The following ACAP2 variants were observed in gnomAD, a reference collection of about 807,000 sequenced individuals.
The protein encoded by ACAP2 is ArfGAP with coiled-coil, ankyrin repeat and PH domains 2.
In ACAP2, 39 loss-of-function variants were observed where a neutral mutation model predicts 115.8. The ratio of observed to expected loss-of-function variants is 0.34; its 90% CI spans 0.26 to 0.44. ACAP2 has a LOEUF of 0.44. ACAP2 is among the 20% of genes least tolerant of loss of function. ACAP2 has a pLI of 1.00. For missense variants in ACAP2, 662 were observed against 927.6 expected (o/e 0.71, Z 3.72); for synonymous variants, 289 against 315.8 (o/e 0.92, Z 0.90).
In ACAP2 at chr3:195,292,451, T is replaced by C. The variant is rs1202272734; in HGVS notation, c.1767A>G (p.Glu589=). 1 of 1,599,184 alleles carries C rather than the reference T, an allele frequency of 6.3e-7. No individual in the cohort carries two copies. Among genetic ancestry groups the C allele is most frequent in the Non-Finnish European group, 8.5e-7 (1 of 1,175,830 alleles). The change falls in exon 19 of 23, where the codon GAA becomes GAG. Residue 589 remains glutamate, a splice_region_variant and synonymous_variant. Transcript: ENST00000326793. ...ACATAGAAGAATCTTGCCTTTCTCC[T>C]TCTGAAAAGCAAACACATACACATC... ...TVSANSLYEP[E]GERQDSSMFL...
chr3:195,283,326 A>C (rs1577229351), intron 22 of ACAP2, among the ~76,000 whole-genome samples: 1 of 152,330 alleles, frequency 6.6e-6, no homozygotes, highest in Middle Eastern at 3.4e-3. Context: ...CACGCAAGAA[A>C]CAGGGAGTCC....
At chr3:195,344,360 T>C (rs1238797411) in intron 5 of ACAP2, among the ~76,000 whole-genome samples, 1 of 152,202 alleles carries the variant, frequency 6.6e-6, no homozygotes, top group African/African-American at 2.4e-5. Context: ...AACTTTAATT[T>C]TATATATTCC....
At chr3:195,308,904 A>C in intron 10 of ACAP2, 67 bp from the exon 11 acceptor site, 1 of 1,419,762 alleles carries the variant, frequency 7.0e-7, no homozygotes. Flanking sequence ...TTAGAAATGA[A>C]ATATTTGAGA....
chr3:195,360,749 G>A (rs552592339), intron 4 of ACAP2, among the ~76,000 whole-genome samples: 143 of 151,790 alleles, frequency 9.4e-4, no homozygotes, highest in Non-Finnish European at 1.6e-3. Context: ...AGTTGGGATC[G>A]TGCCACTGCA....
chr3:195,353,013 G>A (rs1222938753), intron 4 of ACAP2, among the ~76,000 whole-genome samples: 1 of 150,712 alleles, frequency 6.6e-6, no homozygotes, highest in Non-Finnish European at 1.5e-5. Context: ...CCTGGGAGGC[G>A]GAAGTTGCAA....
intron 10 of ACAP2, among the ~76,000 whole-genome samples, chr3:195,314,513 C>T (rs1030106494): frequency 1.1e-4 from 17 of 152,144 alleles, no homozygotes; most frequent in African/African-American, 3.4e-4. Flanking sequence ...AAGTGATCTG[C>T]CCACCTCGGC....
At chr3:195,403,653 T>C (rs1042168214) in intron 1 of ACAP2, among the ~76,000 whole-genome samples, 1 of 152,228 alleles carries the variant, frequency 6.6e-6, no homozygotes, top group Non-Finnish European at 1.5e-5. Flanking sequence ...GGTAAATGTG[T>C]AATCAAGTAT....
At chr3:195,331,901 G>A (rs961446162) in intron 8 of ACAP2, among the ~76,000 whole-genome samples, 1 of 152,042 alleles carries the variant, frequency 6.6e-6, no homozygotes, top group Non-Finnish European at 1.5e-5. Context: ...TTGGGAGGCT[G>A]AGGCGGGCAG....
chr3:195,365,585 TTAAG>T (rs1234554580), intron 4 of ACAP2, among the ~76,000 whole-genome samples: 1 of 151,716 alleles, frequency 6.6e-6, no homozygotes, highest in Non-Finnish European at 1.5e-5. Context: ...AAAAAACACA[TTAAG>T]TATTACTCAG....
intron 1 of ACAP2, among the ~76,000 whole-genome samples, chr3:195,428,455 TATC>T (rs1714857090): frequency 6.6e-6 from 1 of 151,900 alleles, no homozygotes; most frequent in Non-Finnish European, 1.5e-5. Context: ...GGGATTATAA[TATC>T]ATATTTTTAC....
At chr3:195,426,295 T>C (rs1359010588) in intron 1 of ACAP2, among the ~76,000 whole-genome samples, 1 of 152,078 alleles carries the variant, frequency 6.6e-6, no homozygotes, top group East Asian at 1.9e-4. Flanking sequence ...TGGTCAAACC[T>C]TGCATTCCCA....
chr3:195,279,881 C>T (rs953463249), intron 22 of ACAP2: 4 of 152,328 alleles, frequency 2.6e-5, no homozygotes, highest in Admixed American at 2.0e-4. Flanking sequence ...ATAATCAAGA[C>T]AAACTGATAA....
At chr3:195,422,286 T>C (rs1714251061) in intron 1 of ACAP2, among the ~76,000 whole-genome samples, 1 of 143,930 alleles carries the variant, frequency 6.9e-6, no homozygotes, top group African/African-American at 2.4e-5. Flanking sequence ...CCTTAACAGA[T>C]AAGATTTTTT....
intron 4 of ACAP2, among the ~76,000 whole-genome samples, chr3:195,359,966 T>C (rs78707516): frequency 0.064 from 9,676 of 152,162 alleles, 594 homozygotes; most frequent in African/African-American, 0.15. Flanking sequence ...GAAGACACTA[T>C]GGAAGAGAAG....
At chr3:195,412,233 G>GAAGA (rs1455138348) in intron 1 of ACAP2, among the ~76,000 whole-genome samples, 2 of 135,560 alleles carry the variant, frequency 1.5e-5, no homozygotes, top group Non-Finnish European at 3.2e-5. Flanking sequence ...AATAAATAAA[G>GAAGA]AAGAAGAATT....
intron 15 of ACAP2, among the ~76,000 whole-genome samples, chr3:195,298,725 G>C (rs1727820908): frequency 6.6e-6 from 1 of 151,978 alleles, no homozygotes. Context: ...TCTGCCTCCT[G>C]GGTTCAAGCA....
chr3:195,303,848 TATAAA>T (rs368402364), intron 13 of ACAP2, among the ~76,000 whole-genome samples: 82 of 152,220 alleles, frequency 5.4e-4, no homozygotes, highest in African/African-American at 1.8e-3. Flanking sequence ...AGATATGGTC[TATAAA>T]AAGTCTTCTG....
In ACAP2 at chr3:195,420,619, A is replaced by T. The variant is rs188939684; in HGVS notation, c.53+22176T>A. Among the ~76,000 whole-genome samples the T allele has an allele frequency of 1.7e-3, 263 of 150,834 alleles. 7 individuals carry two copies. Among genetic ancestry groups the T allele is most frequent in the Non-Finnish European group, 3.1e-4 (21 of 67,870 alleles). On this transcript the variant is annotated intron_variant, in intron 1 of 22. Transcript: ENST00000326793. ...CGGCCTCCCAAAGTGCTGGAATTAC[A>T]GGCGTGAGCCACTGCGCCCGGCCTG...
In ACAP2 at chr3:195,274,998, G is replaced by A. The variant is rs571822176; in HGVS notation, c.*4330C>T. On this transcript the variant is annotated 3_prime_UTR_variant, in exon 23 of 23. Transcript: ENST00000326793. ...TCACAGGTAGCAAGAAATAGTACAT[G>A]TAATAAGTCTTTATGACTGGAATGA... 31 of 152,604 alleles carry A rather than the reference G, an allele frequency of 2.0e-4. 1 individual carries two copies. The highest frequency in any genetic ancestry group is 4.4e-5 in the Non-Finnish European group (3 of 68,030). The allele number at this position is 152,604 out of a possible 1,614,324, so 9.5% of individuals were successfully genotyped here.
Sources: allele counts gnomAD v4.1 joint callset (sites outside exome capture counted in the v4.1 genomes callset), GRCh38; gene constraint gnomAD v4.1.1; transcripts MANE v1.5; gene names NCBI Gene and HGNC (gene_info 2026-07-23, HGNC 2026-07-21).